The following MAST4 variants were observed in gnomAD, a reference collection of about 807,000 sequenced individuals.
The protein encoded by MAST4 is microtubule associated serine/threonine kinase family member 4.
A neutral mutation model predicts 162.7 loss-of-function variants in MAST4; 89 were observed. The observed-to-expected ratio is 0.55, with a 90% CI of 0.46 to 0.65. MAST4 has a LOEUF of 0.65. Ranked by LOEUF, MAST4 falls within the 30% of genes least tolerant of loss-of-function variation. The pLI, the probability that MAST4 is intolerant of heterozygous loss-of-function variation, is 0.00. For synonymous variants in MAST4, 1,479 were observed against 1,361.1 expected (o/e 1.09, Z -1.91); for missense variants, 3,153 against 3,374.0 (o/e 0.93, Z 1.62).
chr5:66,860,770 CAAA>C (rs34973337), intron 3 of MAST4, among the ~76,000 whole-genome samples: 8 of 129,148 alleles, frequency 6.2e-5, no homozygotes, highest in Admixed American at 7.9e-5. Context: ...AAAACAAAAC[CAAA>C]AAAAAAAAAA....
At chr5:66,970,260 T>A (rs1033319929) in intron 4 of MAST4, among the ~76,000 whole-genome samples, 1 of 152,116 alleles carries the variant, frequency 6.6e-6, no homozygotes, top group Non-Finnish European at 1.5e-5. Context: ...AGGATGTGTG[T>A]GCGGTGCTCC....
chr5:66,864,421 C>T (rs964486810), intron 3 of MAST4, among the ~76,000 whole-genome samples: 11 of 151,824 alleles, frequency 7.2e-5, no homozygotes, highest in African/African-American at 2.2e-4. Flanking sequence ...CGGGAGCGGG[C>T]GAGCCATAGG....
chr5:67,153,597 G>A lies in MAST4; in HGVS notation c.3648+17G>A. 6.4e-7 allele frequency: 1 copy of A among 1,559,364 alleles called. No homozygotes were observed. Among genetic ancestry groups the A allele is most frequent in the Middle Eastern group, 1.7e-4 (1 of 5,976 alleles). On this transcript the variant is annotated intron_variant, in intron 26 of 28. Coordinates refer to ENST00000403625, the MANE Select transcript of MAST4 (RefSeq NM_001164664.2). ...CTACTGAAGGTATTGTATGTTTTAT[G>A]TCAGGGCCATGCTGATGAGACAGGC...
At chr5:66,898,806 T>G (rs1762838861) in intron 3 of MAST4, among the ~76,000 whole-genome samples, 1 of 152,220 alleles carries the variant, frequency 6.6e-6, no homozygotes, top group Non-Finnish European at 1.5e-5. Flanking sequence ...CTGCTGTGTT[T>G]AAAGCAGCAG....
intron 15 of MAST4, among the ~76,000 whole-genome samples, chr5:67,131,128 G>T (rs141809434): frequency 1.3e-5 from 2 of 151,880 alleles, no homozygotes; most frequent in African/African-American, 4.8e-5. Flanking sequence ...ATAGATGAGC[G>T]AAATAAAGTC....
At chr5:66,709,266 C>G (rs1338727014) in intron 1 of MAST4, among the ~76,000 whole-genome samples, 1 of 151,978 alleles carries the variant, frequency 6.6e-6, no homozygotes, top group Non-Finnish European at 1.5e-5. Context: ...AATTTACTGC[C>G]CTACTTTATA....
chr5:66,776,662 T>C (rs1201594441), intron 2 of MAST4, among the ~76,000 whole-genome samples: 1 of 152,072 alleles, frequency 6.6e-6, no homozygotes, highest in Non-Finnish European at 1.5e-5. Context: ...TTGGGAGAAA[T>C]ATAAATGAGA....
chr5:66,656,857 A>G (rs13171732), intron 1 of MAST4, among the ~76,000 whole-genome samples: 75,718 of 151,910 alleles, frequency 0.5, 19,235 homozygotes, highest in South Asian at 0.66. Flanking sequence ...GAAAGGAAAA[A>G]CACCTTTGTT....
chr5:67,025,968 T>G (rs1292181258), intron 4 of MAST4, among the ~76,000 whole-genome samples: 1 of 152,208 alleles, frequency 6.6e-6, no homozygotes, highest in Non-Finnish European at 1.5e-5. Flanking sequence ...GCCATGAATG[T>G]ATAAAGATTG....
rs764268349 is a variant in MAST4 at position 67,166,368 on chromosome 5, G to A, written c.7189G>A (p.Glu2397Lys). The change falls in exon 29 of 29, where the codon GAG (glutamate) becomes AAG (lysine). Residue 2397 changes from glutamate (E) to lysine (K), a missense_variant. Coordinates refer to ENST00000403625, the MANE Select transcript of MAST4 (RefSeq NM_001164664.2). ...GGCCGGCCTTTCCTTTGTGCATAGCGAGAACCGGTTGAAAGGCGCGGAGCG... is the reference window on the plus strand; with the variant it reads ...GGCCGGCCTTTCCTTTGTGCATAGCAAGAACCGGTTGAAAGGCGCGGAGCG... ...LEAGLSFVHS[E>K]NRLKGAERPA... 4 of 1,611,228 alleles carry A rather than the reference G, an allele frequency of 2.5e-6. No homozygotes were observed. In the South Asian group the frequency reaches 3.3e-5, roughly 13 times the overall value.
chr5:66,834,966 A>G (rs1238477450), intron 3 of MAST4, among the ~76,000 whole-genome samples: 1 of 152,126 alleles, frequency 6.6e-6, no homozygotes, highest in Non-Finnish European at 1.5e-5. Context: ...ATAGCCCAGG[A>G]GACCTCTTAC....
chr5:66,956,257 T>C (rs1745304236), intron 4 of MAST4, among the ~76,000 whole-genome samples: 1 of 152,236 alleles, frequency 6.6e-6, no homozygotes, highest in African/African-American at 2.4e-5. Flanking sequence ...ACACATTCCC[T>C]TGTCTCTAAC....
intron 5 of MAST4, among the ~76,000 whole-genome samples, chr5:67,063,318 C>T (rs1759852315): frequency 6.6e-6 from 1 of 152,158 alleles, no homozygotes; most frequent in Non-Finnish European, 1.5e-5. Context: ...TGTGTCAAGT[C>T]AATAATCGGG....
At position 66,846,616 on chromosome 5, in the gene MAST4, A is replaced by C. The variant is rs555215707; in HGVS notation, c.643-53335A>C. On this transcript the variant is annotated intron_variant, in intron 3 of 28. Coordinates refer to ENST00000403625, the MANE Select transcript of MAST4 (RefSeq NM_001164664.2). Reference sequence around the variant, plus strand: ...AAATTATAAAGTATGTAATTCTATCAGAAGAGGTATGTTATGGTATAAAAT... The same window carrying C: ...AAATTATAAAGTATGTAATTCTATCCGAAGAGGTATGTTATGGTATAAAAT... Among the ~76,000 whole-genome samples the C allele has an allele frequency of 1.3e-3, 199 of 152,314 alleles. 1 individual carries two copies. The highest frequency in any genetic ancestry group is 4.7e-3 in the African/African-American group (195 of 41,574).
At chr5:66,602,817 C>T (rs1007180933) in intron 1 of MAST4, among the ~76,000 whole-genome samples, 1 of 152,180 alleles carries the variant, frequency 6.6e-6, no homozygotes, top group African/African-American at 2.4e-5. Flanking sequence ...TGTTTCCCTG[C>T]TTTGAGGTCA....
At chr5:67,000,467 G>T (rs1751150590) in intron 4 of MAST4, among the ~76,000 whole-genome samples, 1 of 152,180 alleles carries the variant, frequency 6.6e-6, no homozygotes. Context: ...AAGGGCATGT[G>T]TTGCCGGCTG....
chr5:66,908,697 C>A (rs1283881420), intron 4 of MAST4, among the ~76,000 whole-genome samples: 1 of 152,018 alleles, frequency 6.6e-6, no homozygotes, highest in Non-Finnish European at 1.5e-5. Context: ...TTAGAGTGAC[C>A]CATTGAGAGA....
intron 1 of MAST4, among the ~76,000 whole-genome samples, chr5:66,734,751 CTAAA>C (rs1228425977): frequency 6.6e-6 from 1 of 152,158 alleles, no homozygotes; most frequent in Non-Finnish European, 1.5e-5. Context: ...TAAATTAAAT[CTAAA>C]TAGCCACATG....
At chr5:66,969,748 C>T (rs1266313728) in intron 4 of MAST4, among the ~76,000 whole-genome samples, 1 of 152,232 alleles carries the variant, frequency 6.6e-6, no homozygotes, top group Admixed American at 6.5e-5. Flanking sequence ...CTCCTTTTCA[C>T]AGGGAACCTG....
Sources: gnomAD v4.1 joint callset for allele counts (sites outside exome capture counted in the v4.1 genomes callset) on GRCh38, gnomAD v4.1.1 for gene constraint, MANE v1.5 for transcripts, NCBI Gene and HGNC (gene_info 2026-07-23, HGNC 2026-07-21) for gene names.